Variants in TCF4 observed in about 807,000 individuals in gnomAD.
TCF4 encodes the protein SL3-3 enhancer factor 2.
Under a neutral mutation model 82.1 loss-of-function variants are expected in TCF4, and 3 were observed. The ratio of observed to expected loss-of-function variants is 0.04; its 90% CI spans 0.02 to 0.09. The LOEUF is 0.09. TCF4 is among the 10% of genes least tolerant of loss of function. The pLI, the probability that TCF4 is intolerant of heterozygous loss-of-function variation, is 1.00. For synonymous variants in TCF4, 276 were observed against 309.6 expected (o/e 0.89, Z 1.14); for missense variants, 518 against 852.7 (o/e 0.61, Z 4.89).
chr18:55,603,284 A>G (rs1489662474), intron 2 of TCF4, among the ~76,000 whole-genome samples: 1 of 152,144 alleles, frequency 6.6e-6, no homozygotes, highest in South Asian at 2.1e-4. Context: ...GATATTGCCA[A>G]ACGTCCCTCA....
chr18:55,353,469 T>C (rs758074960), intron 6 of TCF4, among the ~76,000 whole-genome samples: 26 of 152,198 alleles, frequency 1.7e-4, no homozygotes, highest in Non-Finnish European at 2.4e-4. Flanking sequence ...TTCTTTCTCC[T>C]TAGACCTGTT....
intron 3 of TCF4, among the ~76,000 whole-genome samples, chr18:55,582,184 C>T (rs1026490588): frequency 1.3e-5 from 2 of 152,086 alleles, no homozygotes; most frequent in African/African-American, 4.8e-5. Context: ...ATTATAGACT[C>T]TTTAGATGAT....
intron 2 of TCF4, among the ~76,000 whole-genome samples, chr18:55,608,979 A>G (rs746666399): frequency 3.3e-5 from 5 of 152,156 alleles, no homozygotes; most frequent in African/African-American, 9.7e-5. Context: ...TAGAGCACTC[A>G]GGAATGGAAT....
intron 3 of TCF4, among the ~76,000 whole-genome samples, chr18:55,573,830 A>G (rs932300019): frequency 8.5e-5 from 13 of 152,240 alleles, no homozygotes; most frequent in African/African-American, 2.9e-4. Context: ...CAACATCAGA[A>G]ACATGCCTGT....
intron 5 of TCF4, among the ~76,000 whole-genome samples, chr18:55,408,942 T>C (rs970029232): frequency 3.3e-5 from 5 of 152,192 alleles, no homozygotes; most frequent in Non-Finnish European, 5.9e-5. Flanking sequence ...GCAATGATAA[T>C]TTACATTTAC....
chr18:55,303,085 G>A (rs1052855218), intron 8 of TCF4, among the ~76,000 whole-genome samples: 5 of 152,136 alleles, frequency 3.3e-5, no homozygotes, highest in Non-Finnish European at 2.9e-5. Flanking sequence ...GAGACAAAAA[G>A]GTTGAAGGTG....
intron 8 of TCF4, among the ~76,000 whole-genome samples, chr18:55,307,085 C>T (rs2147113864): frequency 6.6e-6 from 1 of 152,236 alleles, no homozygotes; most frequent in South Asian, 2.1e-4. Context: ...TATTTTCCCA[C>T]ACATTGTACA....
At chr18:55,236,494 ACAC>A (rs2049453941) in intron 15 of TCF4, among the ~76,000 whole-genome samples, 1 of 151,268 alleles carries the variant, frequency 6.6e-6, no homozygotes. Context: ...GTTGCCTGCC[ACAC>A]CACTCCTTTC....
chr18:55,299,223 C>T (rs1012672068), intron 8 of TCF4, among the ~76,000 whole-genome samples: 1 of 152,074 alleles, frequency 6.6e-6, no homozygotes, highest in Non-Finnish European at 1.5e-5. Flanking sequence ...CCAGCCTGGC[C>T]AACATGGTGA....
intron 2 of TCF4, among the ~76,000 whole-genome samples, chr18:55,603,485 G>T (rs2097699312): frequency 6.6e-6 from 1 of 152,058 alleles, no homozygotes; most frequent in African/African-American, 2.4e-5. Context: ...ATTATTTATT[G>T]AGCTCATTCT....
Position 55,439,677 on chromosome 18 carries a change from T to G in TCF4, c.304+21342A>C, listed in dbSNP as rs566055453. On this transcript the variant is annotated intron_variant, in intron 5 of 19. Coordinates refer to ENST00000354452, the MANE Select transcript of TCF4 (RefSeq NM_001083962.2). ...CATAATGGGTAACTCGAAAAGAACT[T>G]AGCAGGAAAGATGTCTTGGTTATTC... Among the ~76,000 whole-genome samples, 5 of 152,266 alleles carry G rather than the reference T, an allele frequency of 3.3e-5. No individual in the cohort carries two copies. The South Asian group carries it at 1.0e-3, about 32-fold the overall frequency.
chr18:55,298,492 T>G (rs2067174583), intron 8 of TCF4, among the ~76,000 whole-genome samples: 1 of 152,060 alleles, frequency 6.6e-6, no homozygotes, highest in Non-Finnish European at 1.5e-5. Context: ...ATACTATATA[T>G]TTCAGGAAAG....
At chr18:55,533,516 C>T (rs1031309246) in intron 3 of TCF4, among the ~76,000 whole-genome samples, 3 of 152,194 alleles carry the variant, frequency 2.0e-5, no homozygotes, top group African/African-American at 7.2e-5. Flanking sequence ...CTCAAGATCA[C>T]CTCATAGCCT....
intron 11 of TCF4, chr18:55,265,821 T>A (rs1568552747): frequency 6.6e-6 from 1 of 152,186 alleles, no homozygotes; most frequent in Non-Finnish European, 1.5e-5. Flanking sequence ...CAGATAGATA[T>A]TCCAGGGTAA....
intron 3 of TCF4, among the ~76,000 whole-genome samples, chr18:55,582,825 T>C (rs2097588444): frequency 1.3e-5 from 2 of 152,100 alleles, no homozygotes; most frequent in South Asian, 4.1e-4. Flanking sequence ...AAGCAATCCA[T>C]GAAAGGGACA....
At chr18:55,585,944 C>G (rs2097640533) in intron 2 of TCF4, 1 of 1,270,006 alleles carries the variant, frequency 7.9e-7, no homozygotes, top group Non-Finnish European at 1.0e-6. Flanking sequence ...TTTCCCTCTT[C>G]TTCGACGTAT....
chr18:55,616,484 G>C (rs1183251127), intron 2 of TCF4, among the ~76,000 whole-genome samples: 16 of 152,080 alleles, frequency 1.1e-4, no homozygotes. Flanking sequence ...TATACCAGAA[G>C]TGGGATTACT....
chr18:55,574,105 C>G (rs1355292482), intron 3 of TCF4, among the ~76,000 whole-genome samples: 1 of 152,136 alleles, frequency 6.6e-6, no homozygotes, highest in Non-Finnish European at 1.5e-5. Flanking sequence ...TCCCAGACAA[C>G]CTCTGACACT....
chr18:55,301,002 G>A (rs1001555848), intron 8 of TCF4, among the ~76,000 whole-genome samples: 6 of 152,052 alleles, frequency 3.9e-5, no homozygotes, highest in Non-Finnish European at 7.4e-5. Flanking sequence ...CCAGAGCAGG[G>A]AATGACCCCC....
Sources: gnomAD v4.1 joint callset for allele counts (sites outside exome capture counted in the v4.1 genomes callset) on GRCh38, gnomAD v4.1.1 for gene constraint, MANE v1.5 for transcripts, NCBI Gene and HGNC (gene_info 2026-07-23, HGNC 2026-07-21) for gene names.